The following KDM4C variants were observed in gnomAD, a reference collection of about 807,000 sequenced individuals.
The protein encoded by KDM4C is lysine demethylase 4C.
KDM4C carries 81 observed loss-of-function variants against 129.3 expected under a neutral mutation model. That is an observed-to-expected ratio of 0.63 (90% CI 0.52 to 0.75). The LOEUF is 0.75. KDM4C is among the 30% of genes least tolerant of loss of function. KDM4C has a pLI of 0.00. For missense variants in KDM4C, 1,457 were observed against 1,304.0 expected (o/e 1.12, Z -1.81); for synonymous variants, 573 against 456.1 (o/e 1.26, Z -3.26).
At chr9:6,835,341 A>C (rs1413844002) in intron 4 of KDM4C, 5 of 995,910 alleles carry the variant, frequency 5.0e-6, no homozygotes, top group Non-Finnish European at 8.1e-6. Context: ...ACGCCAACAC[A>C]TTGCTGTCTG....
At chr9:7,003,160 C>T (rs948562000) in intron 12 of KDM4C, among the ~76,000 whole-genome samples, 1 of 152,156 alleles carries the variant, frequency 6.6e-6, no homozygotes, top group Non-Finnish European at 1.5e-5. Flanking sequence ...GCCACTGTGT[C>T]CAGCCTACTC....
At chr9:7,157,732 G>C (rs1843340555) in intron 19 of KDM4C, among the ~76,000 whole-genome samples, 1 of 152,196 alleles carries the variant, frequency 6.6e-6, no homozygotes, top group South Asian at 2.1e-4. Context: ...TAAGCTTTTT[G>C]ATGAGCTGCT....
intron 17 of KDM4C, among the ~76,000 whole-genome samples, chr9:7,063,618 T>C (rs1191732500): frequency 6.6e-6 from 1 of 152,214 alleles, no homozygotes; most frequent in African/African-American, 2.4e-5. Flanking sequence ...ATGGAAGTTA[T>C]TGAAATTTAA....
At chr9:6,763,031 G>GGT (rs944082338) in intron 1 of KDM4C, among the ~76,000 whole-genome samples, 2 of 151,794 alleles carry the variant, frequency 1.3e-5, no homozygotes, top group Admixed American at 1.3e-4. Context: ...CCCTTCCGCT[G>GGT]GTGGGGGGGG....
At chr9:7,029,293 GTT>G (rs59185392) in intron 15 of KDM4C, among the ~76,000 whole-genome samples, 61,777 of 141,538 alleles carry the variant, frequency 0.44, 13,495 homozygotes, top group East Asian at 0.59. Context: ...TCCCCCCACC[GTT>G]TTTTTTTTTT....
chr9:6,962,230 C>T (rs527503801), intron 8 of KDM4C, among the ~76,000 whole-genome samples: 4 of 152,310 alleles, frequency 2.6e-5, no homozygotes, highest in South Asian at 4.1e-4. Flanking sequence ...GATGAACACA[C>T]AGCATACATT....
Position 7,087,067 on chromosome 9 carries a change from T to G in KDM4C, c.2425-16618T>G, listed in dbSNP as rs1467444884. Among the ~76,000 whole-genome samples the G allele has an allele frequency of 2.0e-5, 3 of 150,134 alleles. No homozygotes were observed. The East Asian group carries it at 5.9e-4, about 30-fold the overall frequency. On this transcript the variant is annotated intron_variant, in intron 17 of 21. Coordinates refer to ENST00000381309, the MANE Select transcript of KDM4C (RefSeq NM_015061.6). Reference sequence around the variant, plus strand: ...AATCAAGTAGGTGGACAACAAGACTTTTTATTGCAACTTACGTGGCTCTTT... The same window carrying G: ...AATCAAGTAGGTGGACAACAAGACTGTTTATTGCAACTTACGTGGCTCTTT...
chr9:6,839,396 GTTTTTTTT>G (rs36061484), intron 4 of KDM4C, among the ~76,000 whole-genome samples: 5 of 109,928 alleles, frequency 4.5e-5, no homozygotes, highest in Non-Finnish European at 9.0e-5. Context: ...CACCTGGCCA[GTTTTTTTT>G]TTTTTTTTTT....
intron 8 of KDM4C, among the ~76,000 whole-genome samples, chr9:6,918,794 A>G (rs12349290): frequency 0.078 from 11,782 of 151,500 alleles, 1,240 homozygotes; most frequent in African/African-American, 0.24. Context: ...ATTTTTTCAT[A>G]TCTTTGTTGG....
At chr9:7,089,089 A>T (rs2133025274) in intron 17 of KDM4C, among the ~76,000 whole-genome samples, 1 of 152,284 alleles carries the variant, frequency 6.6e-6, no homozygotes, top group East Asian at 1.9e-4. Context: ...GAAAAAGAAA[A>T]ATATTAGAGC....
At chr9:6,748,845 C>T (rs746216138) in intron 1 of KDM4C, 7 of 1,116,552 alleles carry the variant, frequency 6.3e-6, no homozygotes, top group South Asian at 3.7e-5. Flanking sequence ...ACCAATGATA[C>T]AGCCTTCTAT....
chr9:6,933,103 A>G (rs138383973), intron 8 of KDM4C, among the ~76,000 whole-genome samples: 2 of 152,346 alleles, frequency 1.3e-5, no homozygotes, highest in Admixed American at 6.5e-5. Context: ...TATGTATTGC[A>G]TGTATCAGAT....
At chr9:6,834,769 G>T in intron 4 of KDM4C, 3 of 1,196,884 alleles carry the variant, frequency 2.5e-6, no homozygotes, top group Non-Finnish European at 2.5e-6. Context: ...CCATGCTGCT[G>T]ACCGAGGCCC....
intron 8 of KDM4C, among the ~76,000 whole-genome samples, chr9:6,928,162 C>T (rs1020008155): frequency 6.6e-6 from 1 of 152,170 alleles, no homozygotes; most frequent in African/African-American, 2.4e-5. Flanking sequence ...TGTTACTCAA[C>T]CCCTCACCCT....
At position 6,960,282 on chromosome 9, in the gene KDM4C, ATTTTTTTTTT is replaced by A. The variant is rs34061929; in HGVS notation, c.922-20634_922-20625del. 2.1e-4 allele frequency among the ~76,000 whole-genome samples: 30 copies of A among 143,262 alleles called. 1 individual carries two copies. Among genetic ancestry groups the A allele is most frequent in the Non-Finnish European group, 3.8e-4 (25 of 66,140 alleles). The allele number at this position is 143,262 out of a possible 152,430, so 94.0% of individuals were successfully genotyped here. On this transcript the variant is annotated intron_variant, in intron 8 of 21. Coordinates refer to ENST00000381309, the MANE Select transcript of KDM4C (RefSeq NM_015061.6). Reference sequence around the variant, plus strand: ...TGGAAGCTCTTTTAAAATGTTTTTAATTTTTTTTTTTTTTTTTTAAATACAGGGTCTCTGT... The same window carrying A: ...TGGAAGCTCTTTTAAAATGTTTTTAATTTTTTTTAAATACAGGGTCTCTGT...
intron 1 of KDM4C, among the ~76,000 whole-genome samples, chr9:6,726,780 G>T (rs1413702353): frequency 6.6e-6 from 1 of 152,098 alleles, no homozygotes; most frequent in African/African-American, 2.4e-5. Flanking sequence ...CTGTCTCCTA[G>T]GCTGGAGTGC....
chr9:6,947,881 CA>C (rs1300410978), intron 8 of KDM4C, among the ~76,000 whole-genome samples: 3 of 151,892 alleles, frequency 2.0e-5, no homozygotes, highest in Non-Finnish European at 4.4e-5. Flanking sequence ...AACTGAGAAC[CA>C]TTGCTGTACA....
intron 5 of KDM4C, among the ~76,000 whole-genome samples, chr9:6,876,588 A>G (rs1185270612): frequency 6.6e-6 from 1 of 152,098 alleles, no homozygotes; most frequent in African/African-American, 2.4e-5. Flanking sequence ...CTCTCTTCTC[A>G]TGGCATGCTT....
intron 4 of KDM4C, among the ~76,000 whole-genome samples, chr9:6,845,295 G>T (rs959509677): frequency 6.6e-6 from 1 of 152,142 alleles, no homozygotes; most frequent in African/African-American, 2.4e-5. Context: ...GCTCACTCTA[G>T]CCTTGACCTT....
Sources: allele counts gnomAD v4.1 joint callset (sites outside exome capture counted in the v4.1 genomes callset), GRCh38; gene constraint gnomAD v4.1.1; transcripts MANE v1.5; gene names NCBI Gene and HGNC (gene_info 2026-07-23, HGNC 2026-07-21).